Variants in PRKAG2 observed in about 807,000 individuals in gnomAD.
PRKAG2 encodes the protein protein kinase AMP-activated non-catalytic subunit gamma 2.
PRKAG2 carries 26 observed loss-of-function variants against 69.6 expected under a neutral mutation model. That is an observed-to-expected ratio of 0.37 (90% CI 0.27 to 0.52). PRKAG2 has a LOEUF of 0.52. Ranked by LOEUF, PRKAG2 falls within the 20% of genes least tolerant of loss-of-function variation. The pLI is 0.90. For synonymous variants in PRKAG2, 293 were observed against 285.0 expected (o/e 1.03, Z -0.28); for missense variants, 557 against 740.0 (o/e 0.75, Z 2.87).
chr7:151,605,564 C>A (rs1415082889), intron 5 of PRKAG2, among the ~76,000 whole-genome samples: 1 of 151,096 alleles, frequency 6.6e-6, no homozygotes, highest in African/African-American at 2.4e-5. Flanking sequence ...TGGCGAAACC[C>A]CGTCTCTACT....
rs553335925 is a variant in PRKAG2, at chr7:151,586,959, G to A, written c.864+8386C>T. ...GTGGATCACTTGAGGTCAGGAGTTCGAGACCAGACTGGCCAACACGGTGAA... is the reference window on the plus strand; with the variant it reads ...GTGGATCACTTGAGGTCAGGAGTTCAAGACCAGACTGGCCAACACGGTGAA... On this transcript the variant is annotated intron_variant, in intron 6 of 15. Coordinates refer to ENST00000287878, the MANE Select transcript of PRKAG2 (RefSeq NM_016203.4). Among the ~76,000 whole-genome samples, 5 of 152,160 alleles carry A rather than the reference G, an allele frequency of 3.3e-5. No individual in the cohort carries two copies. The East Asian group carries it at 5.8e-4, about 18-fold the overall frequency.
chr7:151,617,659 T>C (rs1454273378), intron 5 of PRKAG2, among the ~76,000 whole-genome samples: 1 of 152,146 alleles, frequency 6.6e-6, no homozygotes, highest in Admixed American at 6.5e-5. Context: ...AAAACCCCCA[T>C]ATTCATTAAT....
intron 1 of PRKAG2, among the ~76,000 whole-genome samples, chr7:151,849,524 TAC>T (rs2151894381): frequency 6.6e-6 from 1 of 152,310 alleles, no homozygotes; most frequent in Non-Finnish European, 1.5e-5. Context: ...TGTAACAACA[TAC>T]ACACACGGGG....
Position 151,562,244 on chromosome 7 carries a change from C to CAAAAAAAAAAAAAAAA in PRKAG2, c.1585-1643_1585-1628dup, listed in dbSNP as rs575674668. Among the ~76,000 whole-genome samples the CAAAAAAAAAAAAAAAA allele has an allele frequency of 6.5e-4, 25 of 38,476 alleles. 1 individual carries two copies. The highest frequency in any genetic ancestry group is 1.7e-3 in the South Asian group (1 of 596). The allele number at this position is 38,476 out of a possible 152,430, so 25.2% of individuals were successfully genotyped here. A position where few individuals can be genotyped will look rare whatever the true frequency, so the allele number is the denominator to read the frequency against. Reference sequence around the variant, plus strand: ...TGGGCGACAGAGTGAGACTTTGTCTCAAAAAAAAAAAAAAAAAAAAAAAAA... The same window carrying CAAAAAAAAAAAAAAAA: ...TGGGCGACAGAGTGAGACTTTGTCTCAAAAAAAAAAAAAAAAAAAAAAAAAAAAAAAAAAAAAAAAA... On this transcript the variant is annotated intron_variant, in intron 14 of 15. Coordinates refer to ENST00000287878, the MANE Select transcript of PRKAG2 (RefSeq NM_016203.4).
intron 3 of PRKAG2, among the ~76,000 whole-genome samples, chr7:151,768,730 G>A (rs1286997466): frequency 1.3e-5 from 2 of 152,222 alleles, no homozygotes; most frequent in Non-Finnish European, 2.9e-5. Context: ...GCCTCCCAAA[G>A]GGCTGAGATT....
At chr7:151,660,603 A>T (rs1830173457) in intron 4 of PRKAG2, among the ~76,000 whole-genome samples, 1 of 152,198 alleles carries the variant, frequency 6.6e-6, no homozygotes, top group Non-Finnish European at 1.5e-5. Context: ...GATTTTATGA[A>T]AATAAGACTT....
chr7:151,564,373 T>G (rs1805751568), intron 13 of PRKAG2, 149 bp from the exon 14 acceptor site: 1 of 762,406 alleles, frequency 1.3e-6, no homozygotes, highest in African/African-American at 1.7e-5. Context: ...CTTTCTGGCT[T>G]ACGACATGCC....
At chr7:151,790,997 C>T (rs1386260967) in intron 1 of PRKAG2, among the ~76,000 whole-genome samples, 3 of 152,210 alleles carry the variant, frequency 2.0e-5, no homozygotes, top group Admixed American at 6.5e-5. Context: ...GCAGGTGTCT[C>T]GGGCTGGAGT....
rs1563638672 is a variant in PRKAG2 at position 151,772,988 on chromosome 7, A to AATGAAT, written c.466+8163_466+8164insATTCAT. Among the ~76,000 whole-genome samples the AATGAAT allele has an allele frequency of 7.6e-3, 141 of 18,618 alleles. 6 individuals carry two copies. Among genetic ancestry groups the AATGAAT allele is most frequent in the African/African-American group, 0.019 (129 of 6,712 alleles). The allele number at this position is 18,618 out of a possible 152,430, so 12.2% of individuals were successfully genotyped here. ...GAGACCCTGTCTCTAAATGAATGAAAGAAAGAAAGAAAGAAAGAAAGAAAG... is the reference window on the plus strand; with the variant it reads ...GAGACCCTGTCTCTAAATGAATGAAAATGAATGAAAGAAAGAAAGAAAGAAAGAAAG... On this transcript the variant is annotated intron_variant, in intron 3 of 15. Transcript: ENST00000287878.
intron 1 of PRKAG2, among the ~76,000 whole-genome samples, chr7:151,870,696 C>T (rs867025094): frequency 3.9e-5 from 6 of 152,186 alleles, no homozygotes; most frequent in Non-Finnish European, 5.9e-5. Context: ...TCATTCCAGC[C>T]GGATAGAGGC....
intron 4 of PRKAG2, among the ~76,000 whole-genome samples, chr7:151,674,229 ACT>A (rs1832541423): frequency 6.6e-6 from 1 of 152,208 alleles, no homozygotes; most frequent in African/African-American, 2.4e-5. Flanking sequence ...CTGGAGTAAC[ACT>A]GTCACAAGCT....
rs1356006209 is a variant in PRKAG2, at chr7:151,583,471, T to A, written c.865-7019A>T. Among the ~76,000 whole-genome samples, 1 of 152,236 alleles carries A rather than the reference T, an allele frequency of 6.6e-6. No individual in the cohort carries two copies. Among genetic ancestry groups the A allele is most frequent in the Non-Finnish European group, 1.5e-5 (1 of 68,040 alleles). On this transcript the variant is annotated intron_variant, in intron 6 of 15. Coordinates refer to ENST00000287878, the MANE Select transcript of PRKAG2 (RefSeq NM_016203.4). This position sits in a 1 kb window ranked among gnomAD's most constrained non-coding sequence, Gnocchi z 4.1. ...GAGCTCGGGAGGGGCCTGACGCTTC[T>A]GTGGTTTTGCCGACCTTCTTTGCAA... is the stretch of plus-strand genomic sequence containing the variant.
At chr7:151,841,513 T>G (rs546914894) in intron 1 of PRKAG2, among the ~76,000 whole-genome samples, 1 of 141,390 alleles carries the variant, frequency 7.1e-6, no homozygotes, top group Non-Finnish European at 1.5e-5. Context: ...GGGATGGTAG[T>G]GATGGTAGGG....
At chr7:151,827,762 A>AAAAAC (rs1554614014) in intron 1 of PRKAG2, among the ~76,000 whole-genome samples, 2 of 149,408 alleles carry the variant, frequency 1.3e-5, no homozygotes, top group African/African-American at 2.4e-5. Context: ...AAAAAAAAAA[A>AAAAAC]AAAAAAAAAA....
chr7:151,861,528 CAAAAAAAAAAA>C (rs11406004), intron 1 of PRKAG2, among the ~76,000 whole-genome samples: 2 of 96,586 alleles, frequency 2.1e-5, no homozygotes, highest in African/African-American at 4.3e-5. Flanking sequence ...ACTCTGTCTC[CAAAAAAAAAAA>C]AAAAAAAAAG....
At chr7:151,809,314 C>A (rs2078294805) in intron 1 of PRKAG2, 1 of 454,890 alleles carries the variant, frequency 2.2e-6, no homozygotes, top group Non-Finnish European at 4.4e-6. Context: ...GCAGAATCAG[C>A]AGCGGGGATC....
chr7:151,562,886 C>T (rs112791672), intron 14 of PRKAG2, among the ~76,000 whole-genome samples: 31,784 of 148,524 alleles, frequency 0.21, 4,290 homozygotes, highest in East Asian at 0.43. Flanking sequence ...ACCTGGGAGG[C>T]GGAGCTTGCA....
intron 3 of PRKAG2, among the ~76,000 whole-genome samples, chr7:151,728,494 G>A (rs886379690): frequency 1.3e-5 from 2 of 152,086 alleles, no homozygotes; most frequent in African/African-American, 2.4e-5. Context: ...GCCAGGCTGC[G>A]GCCCCAACCC....
chr7:151,565,528 C>A, intron 12 of PRKAG2, 145 bp from the exon 13 acceptor site: 1 of 999,886 alleles, frequency 1.0e-6, no homozygotes, highest in Middle Eastern at 3.3e-4. Context: ...GATATGAAAT[C>A]ATATTTTAAT....
Sources: allele counts gnomAD v4.1 joint callset (sites outside exome capture counted in the v4.1 genomes callset), GRCh38; gene constraint gnomAD v4.1.1; non-coding constraint Gnocchi (gnomAD v3.1); transcripts MANE v1.5; gene names NCBI Gene and HGNC (gene_info 2026-07-23, HGNC 2026-07-21).